The following WWOX variants were observed in gnomAD, a reference collection of about 807,000 sequenced individuals.
WWOX encodes WW domain-containing oxidoreductase.
A neutral mutation model predicts 46.2 loss-of-function variants in WWOX; 69 were observed. The observed-to-expected ratio is 1.49, with a 90% CI of 1.23 to 1.82. The LOEUF is 1.82. Ranked by LOEUF, WWOX falls within the 40% of genes most tolerant of loss-of-function variation. The pLI is 0.00. For synonymous variants in WWOX, 359 were observed against 202.6 expected (o/e 1.77, Z -6.56); for missense variants, 919 against 542.6 (o/e 1.69, Z -6.89).
chr16:78,718,580 G>A (rs537531632), intron 8 of WWOX, among the ~76,000 whole-genome samples: 1 of 152,100 alleles, frequency 6.6e-6, no homozygotes, highest in Admixed American at 6.6e-5. Flanking sequence ...GGTGGTCCAT[G>A]CCTCTAATCC....
At chr16:78,873,394 A>C (rs1453201446) in intron 8 of WWOX, 1 of 151,718 alleles carries the variant, frequency 6.6e-6, no homozygotes, top group African/African-American at 2.4e-5. Context: ...TTTTTCTTTT[A>C]AATAGCAGCA....
chr16:78,809,843 G>A (rs1378113453), intron 8 of WWOX, among the ~76,000 whole-genome samples: 1 of 152,110 alleles, frequency 6.6e-6, no homozygotes, highest in Non-Finnish European at 1.5e-5. Context: ...CCCAGGGGAT[G>A]ATGACCCTCT....
chr16:78,826,728 G>A (rs1380903656), intron 8 of WWOX, among the ~76,000 whole-genome samples: 1 of 152,150 alleles, frequency 6.6e-6, no homozygotes, highest in Non-Finnish European at 1.5e-5. Context: ...TTTGGATATG[G>A]AACTGCCTTT....
intron 8 of WWOX, among the ~76,000 whole-genome samples, chr16:78,935,971 G>A (rs770193207): frequency 1.3e-5 from 2 of 152,068 alleles, no homozygotes; most frequent in African/African-American, 2.4e-5. Flanking sequence ...AAAAAAAGTT[G>A]GAAGGGTGTG....
chr16:78,638,054 C>G (rs1022679320), intron 8 of WWOX, among the ~76,000 whole-genome samples: 1 of 152,186 alleles, frequency 6.6e-6, no homozygotes, highest in Admixed American at 6.5e-5. Context: ...CCACTTCTCT[C>G]TGGGTTCTCC....
At chr16:79,137,620 CA>C (rs1671315071) in intron 8 of WWOX, among the ~76,000 whole-genome samples, 2 of 152,070 alleles carry the variant, frequency 1.3e-5, no homozygotes. Flanking sequence ...TCTGACCTGC[CA>C]TCATGGAAAA....
At chr16:78,434,302 T>C (rs2083289555) in intron 8 of WWOX, among the ~76,000 whole-genome samples, 1 of 152,142 alleles carries the variant, frequency 6.6e-6, no homozygotes. Context: ...CTCTAGGAAG[T>C]AAATGAATGA....
At chr16:78,832,468 C>G (rs2051857547) in intron 8 of WWOX, among the ~76,000 whole-genome samples, 2 of 152,282 alleles carry the variant, frequency 1.3e-5, no homozygotes, top group African/African-American at 2.4e-5. Flanking sequence ...GAACCTGGCT[C>G]CACCATTGGA....
chr16:78,159,959 T>C (rs545447960), intron 4 of WWOX, among the ~76,000 whole-genome samples: 47 of 152,196 alleles, frequency 3.1e-4, no homozygotes, highest in South Asian at 2.1e-3. Flanking sequence ...TCTGTCTCTC[T>C]CTCTGTCATT....
chr16:78,564,746 C>G (rs2044523576), intron 8 of WWOX, among the ~76,000 whole-genome samples: 1 of 152,212 alleles, frequency 6.6e-6, no homozygotes, highest in Non-Finnish European at 1.5e-5. Context: ...ACCTCTCTGG[C>G]AACTAATTTC....
chr16:78,515,065 CA>C (rs887232363), intron 8 of WWOX, among the ~76,000 whole-genome samples: 2 of 151,110 alleles, frequency 1.3e-5, no homozygotes, highest in South Asian at 2.1e-4. Flanking sequence ...ACTAAAAATA[CA>C]AAAAAAAATT....
In WWOX at chr16:79,183,657, A is replaced by C. The variant is rs753138953; in HGVS notation, c.1057-27951A>C. Among the ~76,000 whole-genome samples, 15 of 152,318 alleles carry C rather than the reference A, an allele frequency of 9.8e-5. 1 individual carries two copies. The highest frequency in any genetic ancestry group is 3.4e-3 in the Middle Eastern group (1 of 294). On this transcript the variant is annotated intron_variant, in intron 8 of 8. Coordinates refer to ENST00000566780, the MANE Select transcript of WWOX (RefSeq NM_016373.4). ...AATAATTATTATAACAAATGTATCA[A>C]ATAACTATGTGTGAACTCTGCATGT...
intron 8 of WWOX, among the ~76,000 whole-genome samples, chr16:78,437,552 T>G (rs1024576781): frequency 2.0e-5 from 3 of 151,824 alleles, no homozygotes; most frequent in South Asian, 4.2e-4. Context: ...CCCCTACTGG[T>G]AAAGCCATGT....
chr16:78,127,181 T>C (rs984224463), intron 4 of WWOX, among the ~76,000 whole-genome samples: 2 of 152,194 alleles, frequency 1.3e-5, no homozygotes, highest in African/African-American at 4.8e-5. Context: ...CTGTGCAATA[T>C]GGACAGTACT....
In WWOX at chr16:78,260,496, C is replaced by A. The variant is rs1013830687; in HGVS notation, c.516+96207C>A. On this transcript the variant is annotated intron_variant, in intron 5 of 8. Coordinates refer to ENST00000566780, the MANE Select transcript of WWOX (RefSeq NM_016373.4). ...CCTGGCCAACATGGTAAAACCCTGTCTCCACTAAAAATACAAAAGAAATTA... is the reference window on the plus strand; with the variant it reads ...CCTGGCCAACATGGTAAAACCCTGTATCCACTAAAAATACAAAAGAAATTA... Among the ~76,000 whole-genome samples the A allele has an allele frequency of 4.6e-5, 7 of 151,476 alleles. 1 individual carries two copies. The highest frequency in any genetic ancestry group is 1.3e-4 in the Admixed American group (2 of 15,246).
chr16:79,004,735 A>G (rs1167709511), intron 8 of WWOX: 3 of 152,216 alleles, frequency 2.0e-5, no homozygotes, highest in East Asian at 3.8e-4. Flanking sequence ...AAAATACTTG[A>G]AAGTCCAGCT....
intron 8 of WWOX, among the ~76,000 whole-genome samples, chr16:78,628,665 A>G (rs1330572324): frequency 6.6e-6 from 1 of 152,156 alleles, no homozygotes; most frequent in Non-Finnish European, 1.5e-5. Context: ...TGCAAAATAA[A>G]CACCATGGTC....
chr16:78,887,612 C>T (rs909074797), intron 8 of WWOX, among the ~76,000 whole-genome samples: 1 of 152,064 alleles, frequency 6.6e-6, no homozygotes, highest in Non-Finnish European at 1.5e-5. Context: ...CAAAATCCAT[C>T]AGCCAATGTG....
At chr16:79,054,824 C>G (rs1008278424) in intron 8 of WWOX, among the ~76,000 whole-genome samples, 1 of 152,084 alleles carries the variant, frequency 6.6e-6, no homozygotes, top group African/African-American at 2.4e-5. Flanking sequence ...TGACCTTTGT[C>G]TCAAAACAAA....
Sources: allele counts gnomAD v4.1 joint callset (sites outside exome capture counted in the v4.1 genomes callset), GRCh38; gene constraint gnomAD v4.1.1; transcripts MANE v1.5; gene names NCBI Gene and HGNC (gene_info 2026-07-23, HGNC 2026-07-21).